PCDH7: variants seen among roughly 807,000 people sequenced by gnomAD.
The protein encoded by PCDH7 is protocadherin-7.
Under a neutral mutation model 58.9 loss-of-function variants are expected in PCDH7, and 17 were observed. The observed-to-expected ratio is 0.29, with a 90% confidence interval of 0.20 to 0.43. The LOEUF is 0.43. Among genes scored for constraint, PCDH7 ranks in the 20% least tolerant of loss-of-function variants. The pLI is 1.00. For synonymous variants in PCDH7, 664 were observed against 616.4 expected, an observed-to-expected ratio of 1.08 and a Z score of -1.14; for missense variants, 1,274 against 1,441.0, an observed-to-expected ratio of 0.88 and a Z score of 1.88.
chr4:30,894,490 A>AAAAAAT (rs1553909431), intron 1 of PCDH7, among the ~76,000 whole-genome samples: 8 of 33,510 alleles, frequency 2.4e-4, no homozygotes, highest in Non-Finnish European at 4.1e-4. Flanking sequence ...AAAAAAAAAA[A>AAAAAAT]ATATATATAT....
chr4:30,750,369 A>G (rs968250118), intron 1 of PCDH7, among the ~76,000 whole-genome samples: 1 of 152,152 alleles, frequency 6.6e-6, no homozygotes, highest in Non-Finnish European at 1.5e-5. Context: ...ATTGCAGTTC[A>G]TATTGGTCAA....
At chr4:30,795,943 G>A (rs540962276) in intron 1 of PCDH7, among the ~76,000 whole-genome samples, 9 of 152,116 alleles carry the variant, frequency 5.9e-5, no homozygotes, top group East Asian at 1.9e-4. Context: ...AACAAACACC[G>A]AAAAAATATG....
At position 30,946,677 on chromosome 4, in the gene PCDH7, C is replaced by T. The variant is rs57615189; in HGVS notation, c.288-3443C>T. Reference sequence around the variant, plus strand: ...AATCCCCAATTACCTCAGTATTTAACGCCTTATCTCTTTTGTGTGTGTGTG... The same window carrying T: ...AATCCCCAATTACCTCAGTATTTAATGCCTTATCTCTTTTGTGTGTGTGTG... On this transcript the variant is annotated intron_variant, in intron 2 of 3. Transcript: ENST00000509759. Among the ~76,000 whole-genome samples, 488 of 130,078 alleles carry T rather than the reference C, an allele frequency of 3.8e-3. 2 individuals are homozygous for T. The highest frequency in any genetic ancestry group is 0.013 in the African/African-American group (461 of 34,520). The allele number at this position is 130,078 out of a possible 152,430, so 85.3% of individuals were successfully genotyped here. A position where few individuals can be genotyped will look rare whatever the true frequency, so the allele number is the denominator to read the frequency against.
chr4:30,736,956 T>C (rs899746162), downstream of PCDH7, among the ~76,000 whole-genome samples: 2 of 152,178 alleles, frequency 1.3e-5, no homozygotes. Flanking sequence ...TCCATTCTGA[T>C]TGCAAAATGT....
At chr4:30,971,670 T>C (rs1388500297) in intron 3 of PCDH7, among the ~76,000 whole-genome samples, 1 of 152,208 alleles carries the variant, frequency 6.6e-6, no homozygotes, top group Non-Finnish European at 1.5e-5. Flanking sequence ...TGATACATTG[T>C]AGGTAAATTG....
Position 30,721,528 on chromosome 4 carries a change from T to C in PCDH7, c.106T>C (p.Tyr36His), listed in dbSNP as rs1713541993. The C allele has an allele frequency of 1.2e-6, 2 of 1,600,946 alleles. No individual in the cohort carries two copies. Among genetic ancestry groups the C allele is most frequent in the Middle Eastern group, 1.6e-4 (1 of 6,072 alleles). The stretch of plus-strand genomic sequence containing the variant: ...GGCGGCCGCCAAGCAGCTCCTCCGG[T>C]ACCGGCTGGCCGAGGAGGGCCCCGC... The change falls in exon 1 of 2, where the codon TAC becomes CAC. Residue 36 changes from tyrosine to histidine, a missense_variant. By Grantham distance (83) the Tyr-to-His change is moderately conservative (BLOSUM62 2). Transcript: ENST00000361762. This position sits in a 1 kb window ranked among gnomAD's most constrained non-coding sequence, Gnocchi z 6.7.
At chr4:30,820,224 T>A (rs769290982) in intron 1 of PCDH7, among the ~76,000 whole-genome samples, 1 of 152,184 alleles carries the variant, frequency 6.6e-6, no homozygotes, top group Non-Finnish European at 1.5e-5. Context: ...ATAAAATAGA[T>A]ACTTTTTGTG....
intron 1 of PCDH7, among the ~76,000 whole-genome samples, chr4:30,908,345 A>T (rs1296361149): frequency 6.6e-6 from 1 of 152,160 alleles, no homozygotes. Context: ...TGAAGAAAAA[A>T]GTGAAAGCAC....
At chr4:31,098,049 A>C (rs1014072974) in intron 3 of PCDH7, among the ~76,000 whole-genome samples, 1 of 152,156 alleles carries the variant, frequency 6.6e-6, no homozygotes, top group Non-Finnish European at 1.5e-5. Flanking sequence ...CTGTAACCCA[A>C]AGTCCTTCGT....
chr4:30,964,314 T>C (rs1201102704), intron 3 of PCDH7, among the ~76,000 whole-genome samples: 4 of 151,538 alleles, frequency 2.6e-5, no homozygotes, highest in Non-Finnish European at 5.9e-5. Context: ...TGATCTCGGC[T>C]CACTGCAAGC....
At chr4:31,009,596 T>C (rs1753023555) in intron 3 of PCDH7, among the ~76,000 whole-genome samples, 1 of 152,014 alleles carries the variant, frequency 6.6e-6, no homozygotes, top group South Asian at 2.1e-4. Context: ...GATATGTCAT[T>C]AATTTTCAAC....
intron 2 of PCDH7, among the ~76,000 whole-genome samples, chr4:30,922,279 T>A (rs1422013348): frequency 6.6e-6 from 1 of 151,898 alleles, no homozygotes; most frequent in African/African-American, 2.4e-5. Flanking sequence ...TATTACTACA[T>A]CTGAGATTAC....
intron 3 of PCDH7, among the ~76,000 whole-genome samples, chr4:31,067,808 T>C (rs1264819251): frequency 6.6e-6 from 1 of 151,948 alleles, no homozygotes; most frequent in Admixed American, 6.6e-5. Flanking sequence ...TTCTAAGATA[T>C]CATAGAAAAT....
intron 3 of PCDH7, among the ~76,000 whole-genome samples, chr4:30,970,527 T>C (rs191290794): frequency 6.6e-6 from 1 of 152,178 alleles, no homozygotes; most frequent in Non-Finnish European, 1.5e-5. Flanking sequence ...TCTCCTGACC[T>C]AGTGATCCCC....
intron 1 of PCDH7, among the ~76,000 whole-genome samples, chr4:30,842,043 A>G (rs2109339141): frequency 6.6e-6 from 1 of 152,254 alleles, no homozygotes; most frequent in Non-Finnish European, 1.5e-5. Flanking sequence ...CGTTGGTCCC[A>G]TGAGCTGGGT....
At chr4:30,724,013 A>T in exon 1 of PCDH7, 2 of 1,614,180 alleles carry the variant, frequency 1.2e-6, no homozygotes, top group Non-Finnish European at 1.7e-6. Flanking sequence ...CTCACCCAGG[A>T]TATAGCTGGT....
intron 3 of PCDH7, among the ~76,000 whole-genome samples, chr4:30,974,287 C>A (rs2109476981): frequency 1.7e-5 from 1 of 60,276 alleles, no homozygotes; most frequent in East Asian, 4.6e-4. Flanking sequence ...AAATTTCTGT[C>A]TTTGATTACT....
intron 3 of PCDH7, among the ~76,000 whole-genome samples, chr4:31,101,066 C>G (rs1714830066): frequency 6.6e-6 from 1 of 152,024 alleles, no homozygotes; most frequent in African/African-American, 2.4e-5. Flanking sequence ...TTGATTTTCC[C>G]AAGCTGCTTC....
chr4:31,113,309 A>G (rs1042924642), intron 3 of PCDH7, among the ~76,000 whole-genome samples: 7 of 152,200 alleles, frequency 4.6e-5, no homozygotes, highest in Non-Finnish European at 1.0e-4. Flanking sequence ...TGGTAAGCTG[A>G]AAGAATTTTG....
Sources: allele counts gnomAD v4.1 joint callset (sites outside exome capture counted in the v4.1 genomes callset), GRCh38; gene constraint gnomAD v4.1.1; non-coding constraint Gnocchi (gnomAD v3.1); transcripts MANE v1.5; gene names NCBI Gene and HGNC (gene_info 2026-07-23, HGNC 2026-07-21).